The following HEPHL1 variants were observed in gnomAD, a reference collection of about 807,000 sequenced individuals.
HEPHL1 encodes the protein hephaestin like 1.
In HEPHL1, 123 loss-of-function variants were observed where a neutral mutation model predicts 122.0. The ratio of observed to expected loss-of-function variants is 1.01; its 90% confidence interval spans 0.87 to 1.17. The LOEUF (loss-of-function observed/expected upper bound fraction) is 1.17, where lower values mean the gene tolerates loss of function less well. Ranked by LOEUF, HEPHL1 falls within the 50% of genes most tolerant of loss-of-function variation. The probability of loss-of-function intolerance (pLI) is 0.00; values close to 1 mark genes in which losing one functional copy is unlikely to be tolerated. For missense variants in HEPHL1, 1,452 were observed against 1,430.5 expected (o/e 1.01, Z -0.24); for synonymous variants, 527 against 508.9 (o/e 1.04, Z -0.48).
chr11:94,112,927 TAGG>T lies in HEPHL1; in HGVS notation c.*1036_*1038del, dbSNP rs1352330439. ...GAATTTATCAATGTAGGTGACTAGATAGGAGAAGGGACCTCTAAATATCCTAGA... is the reference window on the plus strand; with the variant it reads ...GAATTTATCAATGTAGGTGACTAGATAGAAGGGACCTCTAAATATCCTAGA... On this transcript the variant is annotated 3_prime_UTR_variant, in exon 20 of 20. Transcript: ENST00000315765. 1 of 152,096 alleles carries T rather than the reference TAGG, an allele frequency of 6.6e-6. No individual in the cohort carries two copies. Among genetic ancestry groups the T allele is most frequent in the Non-Finnish European group, 1.5e-5 (1 of 68,024 alleles). The allele number at this position is 152,096 out of a possible 1,614,324, so 9.4% of individuals were successfully genotyped here. A position where few individuals can be genotyped will look rare whatever the true frequency, so the allele number is the denominator to read the frequency against.
intron 2 of HEPHL1, chr11:94,055,555 G>T: frequency 3.6e-6 from 1 of 274,596 alleles, no homozygotes; most frequent in South Asian, 3.6e-5. Context: ...CTCTCTGGGT[G>T]ATCAGTTCTC....
Position 94,046,636 on chromosome 11 carries a change from G to T in HEPHL1, c.415+719G>T, listed in dbSNP as rs540400896. On this transcript the variant is annotated intron_variant, in intron 2 of 19. Coordinates refer to ENST00000315765, the MANE Select transcript of HEPHL1 (RefSeq NM_001098672.2). Reference sequence around the variant, plus strand: ...CAACAGAAGCTGATCCCCACTCCTTGCTTCAGGCGGCTGTTTTTGGTGCTG... The same window carrying T: ...CAACAGAAGCTGATCCCCACTCCTTTCTTCAGGCGGCTGTTTTTGGTGCTG... 5.3e-5 allele frequency among the ~76,000 whole-genome samples: 8 copies of T among 150,906 alleles called. No homozygotes were observed. The South Asian group carries it at 1.7e-3, about 32-fold the overall frequency.
intron 1 of HEPHL1, among the ~76,000 whole-genome samples, chr11:94,025,526 C>G (rs1945616785): frequency 6.6e-6 from 1 of 152,138 alleles, no homozygotes; most frequent in Admixed American, 6.6e-5. Context: ...CAGTGAAATG[C>G]AGGGTTTTCA....
intron 1 of HEPHL1, among the ~76,000 whole-genome samples, chr11:94,034,992 A>T (rs796621329): frequency 8.5e-5 from 13 of 152,344 alleles, no homozygotes; most frequent in African/African-American, 3.1e-4. Flanking sequence ...GATCTGGTCA[A>T]ATACATCTGT....
chr11:94,113,260 A>G lies in HEPHL1; in HGVS notation c.*1366A>G, dbSNP rs1946466254. On this transcript the variant is annotated 3_prime_UTR_variant, in exon 20 of 20. Coordinates refer to ENST00000315765, the MANE Select transcript of HEPHL1 (RefSeq NM_001098672.2). ...CTGGGCGAGATGCCCTGAGATTCCA[A>G]TGCCAATGCTAGATGAGTGATACTG... 6.6e-6 allele frequency: 1 copy of G among 152,190 alleles called. No individual in the cohort carries two copies. The highest frequency in any genetic ancestry group is 1.5e-5 in the Non-Finnish European group (1 of 68,040). The allele number at this position is 152,190 out of a possible 1,614,324, so 9.4% of individuals were successfully genotyped here. A position where few individuals can be genotyped will look rare whatever the true frequency, so the allele number is the denominator to read the frequency against.
rs184462196 is a variant in HEPHL1, at chr11:94,085,264, G to A, written c.1868-713G>A. ...TCAATGGATTGGGGTTGATGTCAAA[G>A]ATAAAAACAATTTGCCACTCTGGAA... On this transcript the variant is annotated intron_variant, in intron 10 of 19. Transcript: ENST00000315765. Among the ~76,000 whole-genome samples the A allele has an allele frequency of 4.5e-4, 68 of 152,248 alleles. No homozygotes were observed. The South Asian group carries it at 5.8e-3, about 13-fold the overall frequency.
chr11:94,058,304 G>C (rs1945957019), intron 2 of HEPHL1, among the ~76,000 whole-genome samples: 1 of 152,008 alleles, frequency 6.6e-6, no homozygotes, highest in Non-Finnish European at 1.5e-5. Context: ...AATCAATTTT[G>C]TCTAACTTTA....
At chr11:94,092,876 C>A (rs1003191595) in intron 12 of HEPHL1, among the ~76,000 whole-genome samples, 1 of 152,116 alleles carries the variant, frequency 6.6e-6, no homozygotes, top group African/African-American at 2.4e-5. Flanking sequence ...TCCCTAGGAA[C>A]AATGGTTCAG....
In HEPHL1 at chr11:94,090,725, C is replaced by A. The variant is rs1357106121; in HGVS notation, c.2294+1757C>A. Among the ~76,000 whole-genome samples the A allele has an allele frequency of 2.6e-5, 4 of 152,190 alleles. No individual in the cohort carries two copies. The South Asian group carries it at 8.3e-4, about 32-fold the overall frequency. The stretch of plus-strand genomic sequence containing the variant: ...GTAGATAAGAGCCCAGTGACACATA[C>A]CCCTTCTGCACCCTAGTTTCTATGT... On this transcript the variant is annotated intron_variant, in intron 12 of 19. Transcript: ENST00000315765.
chr11:94,021,517 G>C lies in HEPHL1; in HGVS notation c.149G>C (p.Gly50Ala), dbSNP rs895687583. Residue 50 changes from glycine (G) to alanine (A), a missense_variant, in exon 1 of 20, where the codon GGG (glycine) becomes GCG (alanine). By Grantham distance (60) the Gly-to-Ala change is moderately conservative. Transcript: ENST00000315765. ...CCCCAAGGGAAGAATGTTATTACTG[G>C]GAAAAGTTTCACAGAAGACAAGTGA... ...YVPQGKNVIT[G>A]KSFTEDKLAT... 1.9e-6 allele frequency: 3 copies of C among 1,609,424 alleles called. No homozygotes were observed. The highest frequency in any genetic ancestry group is 2.5e-6 in the Non-Finnish European group (3 of 1,177,970).
chr11:94,031,931 C>T (rs1945679455), intron 1 of HEPHL1, among the ~76,000 whole-genome samples: 1 of 152,248 alleles, frequency 6.6e-6, no homozygotes, highest in South Asian at 2.1e-4. Context: ...TTCTTACCTC[C>T]CTTTGGCTGC....
chr11:94,088,628 C>A (rs1463397581), intron 11 of HEPHL1, 127 bp from the exon 12 acceptor site: 1 of 696,744 alleles, frequency 1.4e-6, no homozygotes, highest in South Asian at 1.9e-5. Context: ...AACTACTAGA[C>A]AACTGGTATT....
At position 94,109,136 on chromosome 11, in the gene HEPHL1, A is replaced by G; in HGVS notation, c.3046-1767A>G. Among the ~76,000 whole-genome samples, 2 of 152,128 alleles carry G rather than the reference A, an allele frequency of 1.3e-5. 1 individual carries two copies. On this transcript the variant is annotated intron_variant, in intron 17 of 19. Coordinates refer to ENST00000315765, the MANE Select transcript of HEPHL1 (RefSeq NM_001098672.2). ...AGGCTTTGGTAATAGTGTAAATGAT[A>G]GTGTTTTTATTTTGATTTATAGTTG...
intron 2 of HEPHL1, among the ~76,000 whole-genome samples, chr11:94,048,179 CT>C (rs1239999650): frequency 2.0e-5 from 3 of 152,108 alleles, no homozygotes; most frequent in Non-Finnish European, 2.9e-5. Context: ...CCTTTTAAGG[CT>C]GAATACTATT....
chr11:94,105,143 G>A (rs1946398698), intron 16 of HEPHL1, among the ~76,000 whole-genome samples: 1 of 152,150 alleles, frequency 6.6e-6, no homozygotes, highest in African/African-American at 2.4e-5. Flanking sequence ...TCAAATTTCT[G>A]TTTTAATGTA....
At position 94,096,093 on chromosome 11, in the gene HEPHL1, G is replaced by A. The variant is rs541157710; in HGVS notation, c.2434+2453G>A. ...TGGTGAGAGAGGGCATCCCTGTCTTGTGCCAGTTTTCAAAGGGAATGCTTC... is the reference window on the plus strand; with the variant it reads ...TGGTGAGAGAGGGCATCCCTGTCTTATGCCAGTTTTCAAAGGGAATGCTTC... On this transcript the variant is annotated intron_variant, in intron 13 of 19. Transcript: ENST00000315765. Among the ~76,000 whole-genome samples, 4 of 152,302 alleles carry A rather than the reference G, an allele frequency of 2.6e-5. No homozygotes were observed. The East Asian group carries it at 7.7e-4, about 29-fold the overall frequency.
chr11:94,056,254 A>G (rs1006731260), intron 2 of HEPHL1, among the ~76,000 whole-genome samples: 1 of 152,198 alleles, frequency 6.6e-6, no homozygotes, highest in Non-Finnish European at 1.5e-5. Flanking sequence ...AATGTAAGAC[A>G]CAATACAAAC....
intron 17 of HEPHL1, among the ~76,000 whole-genome samples, chr11:94,109,364 A>G (rs776104393): frequency 2.0e-5 from 3 of 152,154 alleles, no homozygotes; most frequent in Admixed American, 6.5e-5. Context: ...TCTTACTGCA[A>G]TGGCTAGGAC....
chr11:94,075,030 T>C (rs1181000059), intron 8 of HEPHL1, 144 bp from the exon 9 acceptor site: 1 of 640,690 alleles, frequency 1.6e-6, no homozygotes, highest in African/African-American at 1.8e-5. Flanking sequence ...TGGCCTCTTC[T>C]GGTAGGATAC....
Sources: allele counts gnomAD v4.1 joint callset (sites outside exome capture counted in the v4.1 genomes callset), GRCh38; gene constraint gnomAD v4.1.1; transcripts MANE v1.5; gene names NCBI Gene and HGNC (gene_info 2026-07-23, HGNC 2026-07-21).